POP1: variants seen among roughly 807,000 people sequenced by gnomAD.
POP1 encodes POP1 ribonuclease P/MRP subunit.
A neutral mutation model predicts 102.2 loss-of-function variants in POP1; 75 were observed. The ratio of observed to expected loss-of-function variants is 0.73; its 90% CI spans 0.61 to 0.89. The LOEUF (loss-of-function observed/expected upper bound fraction) is 0.89, where lower values mean the gene tolerates loss of function less well. Ranked by LOEUF, POP1 falls within the 40% of genes least tolerant of loss-of-function variation. POP1 has a pLI of 0.00. For missense variants in POP1, 1,116 were observed against 1,267.4 expected (o/e 0.88, Z 1.81); for synonymous variants, 436 against 464.1 (o/e 0.94, Z 0.78).
intron 14 of POP1, among the ~76,000 whole-genome samples, chr8:98,151,109 G>A (rs1362650270): frequency 6.6e-6 from 1 of 151,684 alleles, no homozygotes; most frequent in East Asian, 1.9e-4. Context: ...TTTTGAGATG[G>A]TGGTCTTGCT....
intron 10 of POP1, among the ~76,000 whole-genome samples, chr8:98,140,473 A>G (rs1816672179): frequency 6.6e-6 from 1 of 152,242 alleles, no homozygotes; most frequent in Non-Finnish European, 1.5e-5. Context: ...GCTTACCTGC[A>G]CACAACTGCA....
intron 14 of POP1, among the ~76,000 whole-genome samples, chr8:98,151,934 A>G (rs1480693787): frequency 1.3e-5 from 2 of 151,564 alleles, no homozygotes; most frequent in African/African-American, 2.4e-5. Context: ...AGGTTTTGCC[A>G]TGTTGCCCAG....
intron 1 of POP1, among the ~76,000 whole-genome samples, chr8:98,121,298 A>G (rs948190252): frequency 1.3e-5 from 2 of 152,108 alleles, no homozygotes; most frequent in Admixed American, 1.3e-4. Context: ...GAAGTAAGTG[A>G]ATGGGGGGTA....
At chr8:98,127,132 T>G (rs921975558) in intron 2 of POP1, among the ~76,000 whole-genome samples, 5 of 152,150 alleles carry the variant, frequency 3.3e-5, no homozygotes, top group African/African-American at 1.2e-4. Context: ...CTGTGAGCAC[T>G]CCTTTATAAG....
chr8:98,124,301 C>A (rs1816128344), intron 2 of POP1, among the ~76,000 whole-genome samples: 1 of 152,144 alleles, frequency 6.6e-6, no homozygotes, highest in African/African-American at 2.4e-5. Flanking sequence ...GTGGCTCACA[C>A]CTGTAATCCC....
intron 12 of POP1, among the ~76,000 whole-genome samples, chr8:98,148,540 C>T (rs1001385341): frequency 6.6e-6 from 1 of 152,064 alleles, no homozygotes; most frequent in Non-Finnish European, 1.5e-5. Context: ...TATCAACATA[C>T]AAGATTAATC....
chr8:98,144,229 A>G (rs1431276612), intron 11 of POP1, among the ~76,000 whole-genome samples: 4 of 151,136 alleles, frequency 2.6e-5, no homozygotes, highest in Non-Finnish European at 5.9e-5. Context: ...GCTCAATAAT[A>G]CTCCTTTGGA....
rs940358495 is a variant in POP1 at position 98,134,651 on chromosome 8, C to T, written c.1003C>T (p.Leu335Phe). 6.2e-7 allele frequency: 1 copy of T among 1,611,186 alleles called. No individual in the cohort carries two copies. Among genetic ancestry groups the T allele is most frequent in the African/African-American group, 1.3e-5 (1 of 74,836 alleles). ...RQLWIWLHPTLKQDILEEIKA... is the reference protein window; with the variant it reads ...RQLWIWLHPTFKQDILEEIKA... The stretch of plus-strand genomic sequence containing the variant: ...GCTGTGGATCTGGCTGCATCCAACC[C>T]TTAAACAGGTATAATCCTTCAGGTT... Residue 335 changes from leucine to phenylalanine, a missense_variant, in exon 7 of 16, where the codon CTT becomes TTT. By Grantham distance (22) the Leu-to-Phe change is conservative. Coordinates refer to ENST00000401707, the MANE Select transcript of POP1 (RefSeq NM_001145860.2).
chr8:98,118,064 C>G (rs1359398095), intron 1 of POP1, among the ~76,000 whole-genome samples: 1 of 152,028 alleles, frequency 6.6e-6, no homozygotes, highest in Non-Finnish European at 1.5e-5. Flanking sequence ...AAATCTCTGC[C>G]TTCCCTGCTT....
intron 9 of POP1, among the ~76,000 whole-genome samples, chr8:98,138,719 C>T (rs982490906): frequency 2.0e-5 from 3 of 152,146 alleles, no homozygotes; most frequent in African/African-American, 4.8e-5. Flanking sequence ...AGAGGGTGCC[C>T]CGTAGTAGCT....
At chr8:98,125,603 C>T (rs10429310) in intron 2 of POP1, among the ~76,000 whole-genome samples, 65,809 of 151,684 alleles carry the variant, frequency 0.43, 14,551 homozygotes, top group Middle Eastern at 0.53. Context: ...TGCAGTGGTG[C>T]GATCTTGGCC....
At chr8:98,121,932 G>A (rs1261796599) in intron 1 of POP1, among the ~76,000 whole-genome samples, 2 of 152,022 alleles carry the variant, frequency 1.3e-5, no homozygotes, top group African/African-American at 4.8e-5. Flanking sequence ...TGATCCGCCC[G>A]CCTCAGCCTC....
chr8:98,130,147 G>A lies in POP1; in HGVS notation c.656G>A (p.Gly219Asp). ...CGGTTTCATATGGTCAAGAAGTGGG[G>A]CTACTGCCTTGGGGAGAGGCCAACA... ...AKRFHMVKKW[G>D]YCLGERPTVK... Residue 219 changes from glycine (G) to aspartate (D), a missense_variant, in exon 5 of 16, where the codon GGC becomes GAC. Gly to Asp is a moderately conservative substitution (Grantham distance 94). Coordinates refer to ENST00000401707, the MANE Select transcript of POP1 (RefSeq NM_001145860.2). 2 of 1,614,152 alleles carry A rather than the reference G, an allele frequency of 1.2e-6. No homozygotes were observed. Among genetic ancestry groups the A allele is most frequent in the South Asian group, 2.2e-5 (2 of 91,078 alleles).
intron 1 of POP1, among the ~76,000 whole-genome samples, chr8:98,119,479 T>A (rs1245542576): frequency 6.6e-6 from 1 of 152,222 alleles, no homozygotes; most frequent in Non-Finnish European, 1.5e-5. Flanking sequence ...ATTTGAAGAT[T>A]TGGCGAAAAT....
At chr8:98,147,572 A>T (rs1306725588) in intron 12 of POP1, among the ~76,000 whole-genome samples, 1 of 152,148 alleles carries the variant, frequency 6.6e-6, no homozygotes, top group Admixed American at 6.6e-5. Context: ...CTCTGACAGC[A>T]GTGTGGGGTT....
At position 98,130,072 on chromosome 8, in the gene POP1, G is replaced by A. The variant is rs1466730210; in HGVS notation, c.581G>A (p.Arg194His). Reference sequence around the variant, plus strand: ...ATGAACCGGACGCTAGAATTTAACCGTAGACAAAAGAAGAACATTTGGTTA... The same window carrying A: ...ATGAACCGGACGCTAGAATTTAACCATAGACAAAAGAAGAACATTTGGTTA... ...CHMNRTLEFN[R>H]RQKKNIWLET... The change falls in exon 5 of 16, where the codon CGT (arginine) becomes CAT (histidine). Residue 194 changes from arginine (R) to histidine (H), a missense_variant. Coordinates refer to ENST00000401707, the MANE Select transcript of POP1 (RefSeq NM_001145860.2). 23 of 1,614,134 alleles carry A rather than the reference G, an allele frequency of 1.4e-5. No homozygotes were observed. The highest frequency in any genetic ancestry group is 2.2e-5 in the South Asian group (2 of 91,086).
chr8:98,130,300 T>C, intron 5 of POP1, 74 bp downstream of exon 5: 1 of 1,584,484 alleles, frequency 6.3e-7, no homozygotes, highest in Non-Finnish European at 8.7e-7. Flanking sequence ...GAATAGTTTA[T>C]GATGTGCCAA....
At chr8:98,125,384 C>T (rs1816168942) in intron 2 of POP1, among the ~76,000 whole-genome samples, 1 of 151,920 alleles carries the variant, frequency 6.6e-6, no homozygotes, top group Admixed American at 6.6e-5. Context: ...CAGGGTTTCA[C>T]CATATTGGCC....
At chr8:98,120,468 T>G (rs2130569349) in intron 1 of POP1, among the ~76,000 whole-genome samples, 1 of 152,286 alleles carries the variant, frequency 6.6e-6, no homozygotes. Context: ...AGTATGTATA[T>G]GTTTGTTCAT....
Sources: gnomAD v4.1 joint callset for allele counts (sites outside exome capture counted in the v4.1 genomes callset) on GRCh38, gnomAD v4.1.1 for gene constraint, MANE v1.5 for transcripts, NCBI Gene and HGNC (gene_info 2026-07-23, HGNC 2026-07-21) for gene names.